Variants in APBA2 observed in about 807,000 individuals in gnomAD.
APBA2 encodes amyloid-beta A4 precursor protein-binding family A member 2.
A neutral mutation model predicts 75.0 loss-of-function variants in APBA2; 30 were observed. The ratio of observed to expected loss-of-function variants is 0.40; its 90% confidence interval spans 0.30 to 0.54. The LOEUF (loss-of-function observed/expected upper bound fraction) is 0.54. Ranked by LOEUF, APBA2 falls within the 20% of genes least tolerant of loss-of-function variation. APBA2 has a pLI of 0.49. For synonymous variants in APBA2, 444 were observed against 409.6 expected, an observed-to-expected ratio of 1.08 and a Z score of -1.01; for missense variants, 801 against 1,016.1, an observed-to-expected ratio of 0.79 and a Z score of 2.88.
chr15:28,901,908 A>ATGTGTGTGTTTGTGTGTGTG (rs2032881066), intron 1 of APBA2, among the ~76,000 whole-genome samples: 1 of 67,378 alleles, frequency 1.5e-5, no homozygotes, highest in Non-Finnish European at 2.7e-5. Flanking sequence ...GGAGCTTTTG[A>ATGTGTGTGTTTGTGTGTGTG]TGTGTGTGTG....
intron 3 of APBA2, among the ~76,000 whole-genome samples, chr15:29,034,877 A>G (rs1177724977): frequency 2.0e-5 from 3 of 152,210 alleles, no homozygotes; most frequent in African/African-American, 7.2e-5. Flanking sequence ...CAGGGACCAC[A>G]CTTCAAGAAG....
At chr15:28,936,885 G>A (rs963763036) in intron 2 of APBA2, among the ~76,000 whole-genome samples, 1 of 152,126 alleles carries the variant, frequency 6.6e-6, no homozygotes, top group Admixed American at 6.6e-5. Context: ...AATGGTCCTC[G>A]ATCTACCCTC....
chr15:28,902,482 C>T (rs528727873), intron 1 of APBA2, among the ~76,000 whole-genome samples: 8 of 152,234 alleles, frequency 5.3e-5, no homozygotes, highest in East Asian at 3.9e-4. Context: ...CCTGAGGAGA[C>T]GCGACAGCTG....
intron 2 of APBA2, among the ~76,000 whole-genome samples, chr15:28,928,648 A>G (rs1012101641): frequency 2.0e-5 from 3 of 152,138 alleles, no homozygotes; most frequent in Non-Finnish European, 2.9e-5. Flanking sequence ...GCTTTGCAAC[A>G]AGGTTCTGGT....
At chr15:29,078,385 G>T (rs1413997992) in intron 6 of APBA2, among the ~76,000 whole-genome samples, 3 of 152,078 alleles carry the variant, frequency 2.0e-5, no homozygotes, top group African/African-American at 7.2e-5. Flanking sequence ...GGCCAAGGTG[G>T]GTGGATCACA....
chr15:29,109,279 G>A (rs1050403814), intron 13 of APBA2, among the ~76,000 whole-genome samples: 6 of 152,148 alleles, frequency 3.9e-5, no homozygotes, highest in Non-Finnish European at 8.8e-5. Flanking sequence ...AGCATGGAGG[G>A]TTACACCCAC....
intron 3 of APBA2, among the ~76,000 whole-genome samples, chr15:29,048,048 A>G (rs1430901179): frequency 6.6e-6 from 1 of 152,214 alleles, no homozygotes; most frequent in Non-Finnish European, 1.5e-5. Flanking sequence ...CAGTATTGTA[A>G]GTATGAATAA....
chr15:28,998,264 A>G (rs947535929), intron 3 of APBA2, among the ~76,000 whole-genome samples: 4 of 147,724 alleles, frequency 2.7e-5, no homozygotes, highest in African/African-American at 5.0e-5. Context: ...ACCGTCCTAT[A>G]GGCCCTCGAT....
intron 3 of APBA2, among the ~76,000 whole-genome samples, chr15:29,025,996 G>A (rs1302190292): frequency 6.6e-6 from 1 of 151,882 alleles, no homozygotes; most frequent in Non-Finnish European, 1.5e-5. Context: ...TGGCGGGCTG[G>A]ATAACATATC....
chr15:29,062,165 C>A (rs931610426), intron 4 of APBA2, among the ~76,000 whole-genome samples: 16 of 152,102 alleles, frequency 1.1e-4, no homozygotes, highest in Admixed American at 2.0e-4. Context: ...GTGGAGTAGT[C>A]GGCTCCCTCC....
chr15:28,985,461 G>A (rs1395875182), intron 2 of APBA2, among the ~76,000 whole-genome samples: 1 of 152,218 alleles, frequency 6.6e-6, no homozygotes, highest in East Asian at 1.9e-4. Context: ...TGCCACCTCA[G>A]CTGACTGTTT....
rs868471725 is a variant in APBA2, at chr15:29,070,745, T to G, written c.952-4176T>G. On this transcript the variant is annotated intron_variant, in intron 4 of 14. Coordinates refer to ENST00000683413, the MANE Select transcript of APBA2 (RefSeq NM_001353788.2). ...TCTGACCAGGGGGTCATGCTCTCACTGCTCCTGCTTGGAGTTCTGGTGCTG... is the reference window on the plus strand; with the variant it reads ...TCTGACCAGGGGGTCATGCTCTCACGGCTCCTGCTTGGAGTTCTGGTGCTG... 1.2e-5 allele frequency: 3 copies of G among 246,360 alleles called. No individual in the cohort carries two copies. In the South Asian group the frequency reaches 1.4e-4, roughly 12 times the overall value. The allele number at this position is 246,360 out of a possible 1,614,324, so 15.3% of individuals were successfully genotyped here.
chr15:29,086,461 A>G (rs2152940229), intron 6 of APBA2, among the ~76,000 whole-genome samples: 1 of 152,360 alleles, frequency 6.6e-6, no homozygotes, highest in South Asian at 2.1e-4. Context: ...AGATCAAATA[A>G]CGTCATGATT....
chr15:28,993,099 C>G (rs951847894), intron 2 of APBA2, among the ~76,000 whole-genome samples: 1 of 152,130 alleles, frequency 6.6e-6, no homozygotes, highest in Non-Finnish European at 1.5e-5. Context: ...CCTAGGGTTT[C>G]CAAGCCATGT....
intron 3 of APBA2, among the ~76,000 whole-genome samples, chr15:29,023,983 A>G (rs2040089649): frequency 6.7e-6 from 1 of 149,644 alleles, no homozygotes; most frequent in Non-Finnish European, 1.5e-5. Context: ...GGCTCACTGC[A>G]ACCTCCACCT....
chr15:28,934,150 T>G (rs2034718607), intron 2 of APBA2, among the ~76,000 whole-genome samples: 1 of 152,166 alleles, frequency 6.6e-6, no homozygotes, highest in Admixed American at 6.5e-5. Flanking sequence ...CTCCACAGCC[T>G]TGGGAACAGA....
At chr15:29,093,024 G>A (rs777823384) in intron 6 of APBA2, 51 bp from the exon 7 acceptor site, 9 of 1,612,400 alleles carry the variant, frequency 5.6e-6, no homozygotes, top group African/African-American at 1.3e-5. Context: ...CAAGTTCTTT[G>A]TTCAGGGGAC....
chr15:28,960,148 C>CAAAAAAAA (rs59345963), intron 2 of APBA2, among the ~76,000 whole-genome samples: 1 of 93,196 alleles, frequency 1.1e-5, no homozygotes, highest in Non-Finnish European at 2.1e-5. Flanking sequence ...GACCTTGTTT[C>CAAAAAAAA]AAAAAAAAAA....
chr15:29,076,231 T>A, intron 6 of APBA2, 140 bp downstream of exon 6: 1 of 933,112 alleles, frequency 1.1e-6, no homozygotes. Context: ...GGCCATTGTC[T>A]GTTTGAACAC....
Sources: allele counts gnomAD v4.1 joint callset (sites outside exome capture counted in the v4.1 genomes callset), GRCh38; gene constraint gnomAD v4.1.1; transcripts MANE v1.5; gene names NCBI Gene and HGNC (gene_info 2026-07-23, HGNC 2026-07-21).